Variants in RBFOX1 observed in about 807,000 individuals in gnomAD.
RBFOX1 encodes RNA binding protein fox-1 homolog 1.
A neutral mutation model predicts 57.7 loss-of-function variants in RBFOX1; 8 were observed. The ratio of observed to expected loss-of-function variants is 0.14; its 90% confidence interval spans 0.08 to 0.25. RBFOX1 has a LOEUF of 0.25. RBFOX1 is among the 10% of genes least tolerant of loss of function. RBFOX1 has a pLI of 1.00. For synonymous variants in RBFOX1, 326 were observed against 222.4 expected, an observed-to-expected ratio of 1.47 and a Z score of -4.15; for missense variants, 611 against 548.5, an observed-to-expected ratio of 1.11 and a Z score of -1.14.
chr16:6,693,746 A>G (rs2060608326), intron 3 of RBFOX1, among the ~76,000 whole-genome samples: 1 of 150,826 alleles, frequency 6.6e-6, no homozygotes, highest in Non-Finnish European at 1.5e-5. Flanking sequence ...ATCCTCATCC[A>G]CTAACATCAC....
chr16:5,816,316 C>T (rs950771469), intron 3 of RBFOX1, among the ~76,000 whole-genome samples: 3 of 152,246 alleles, frequency 2.0e-5, no homozygotes, highest in African/African-American at 2.4e-5. Flanking sequence ...TGCCAGTACC[C>T]GTCAATTACA....
chr16:6,725,537 T>G (rs2066994505), intron 3 of RBFOX1, among the ~76,000 whole-genome samples: 1 of 152,114 alleles, frequency 6.6e-6, no homozygotes, highest in Non-Finnish European at 1.5e-5. Context: ...CCTGGAAAAC[T>G]CACAAATAAT....
intron 3 of RBFOX1, among the ~76,000 whole-genome samples, chr16:5,665,136 G>GA (rs2049794380): frequency 7.0e-6 from 1 of 142,436 alleles, no homozygotes; most frequent in African/African-American, 2.5e-5. Context: ...TTACATGGGG[G>GA]GGGGCGGTCT....
chr16:6,288,953 A>G (rs1446155709), intron 1 of RBFOX1, among the ~76,000 whole-genome samples: 1 of 152,138 alleles, frequency 6.6e-6, no homozygotes, highest in Non-Finnish European at 1.5e-5. Context: ...CCAGGAGGGT[A>G]TAGACCAACT....
chr16:7,160,426 T>TC (rs150857298), intron 4 of RBFOX1, among the ~76,000 whole-genome samples: 5,120 of 152,166 alleles, frequency 0.034, 125 homozygotes, highest in Non-Finnish European at 0.049. Flanking sequence ...TTTCCTTCCT[T>TC]CTTTCGTAAG....
intron 2 of RBFOX1, among the ~76,000 whole-genome samples, chr16:6,637,188 C>CA (rs1360807984): frequency 5.3e-5 from 3 of 57,000 alleles, no homozygotes; most frequent in African/African-American, 2.2e-4. Context: ...ATATAATATA[C>CA]AATATATATT....
At chr16:6,073,132 C>A (rs1243915676) in intron 1 of RBFOX1, among the ~76,000 whole-genome samples, 2 of 152,136 alleles carry the variant, frequency 1.3e-5, no homozygotes, top group African/African-American at 4.8e-5. Context: ...GAATTAGTTA[C>A]ATACCCTAAT....
rs545457918 is a variant in RBFOX1 at position 7,604,692 on chromosome 16, G to A, written c.623-2593G>A. On this transcript the variant is annotated intron_variant, in intron 9 of 15. Transcript: ENST00000550418. ...ACATGATTTCTAGGTAGCCTCAAAT[G>A]CCTCTGAGAGATCTGGAATTTTTTG... is the stretch of plus-strand genomic sequence containing the variant. Among the ~76,000 whole-genome samples the A allele has an allele frequency of 4.3e-4, 65 of 152,276 alleles. 3 individuals are homozygous for A. In the South Asian group the frequency reaches 0.013, roughly 32 times the overall value.
chr16:6,483,184 G>C (rs1422224205), intron 2 of RBFOX1: 5 of 1,151,090 alleles, frequency 4.3e-6, no homozygotes, highest in Non-Finnish European at 5.3e-6. Context: ...CGAGCGTTTT[G>C]GCGCGGACAG....
chr16:6,881,314 G>A (rs764911063), intron 3 of RBFOX1, among the ~76,000 whole-genome samples: 2 of 152,166 alleles, frequency 1.3e-5, no homozygotes, highest in Non-Finnish European at 2.9e-5. Flanking sequence ...ATATTAGTTT[G>A]CTTGGACTGC....
chr16:5,372,434 T>C (rs1037959721), intron 1 of RBFOX1, among the ~76,000 whole-genome samples: 3 of 151,142 alleles, frequency 2.0e-5, no homozygotes, highest in African/African-American at 7.2e-5. Context: ...ACATGTACAA[T>C]TTTTATTTGG....
chr16:6,214,583 G>T (rs1232709980), intron 1 of RBFOX1, among the ~76,000 whole-genome samples: 1 of 117,564 alleles, frequency 8.5e-6, no homozygotes, highest in Non-Finnish European at 1.8e-5. Flanking sequence ...GAGGCAAAGT[G>T]GGAGAAGGAG....
Position 7,612,775 on chromosome 16 carries a change from A to G in RBFOX1, c.676+5437A>G, listed in dbSNP as rs2057762972. On this transcript the variant is annotated intron_variant, in intron 10 of 15. Transcript: ENST00000550418. The stretch of plus-strand genomic sequence containing the variant: ...AAAGTTGTCAGCACGGGGCTGTCAA[A>G]TGGTAAATTTATCTGTTTCTCAATT... Among the ~76,000 whole-genome samples, 3 of 152,308 alleles carry G rather than the reference A, an allele frequency of 2.0e-5. No homozygotes were observed. The South Asian group carries it at 6.2e-4, about 32-fold the overall frequency.
chr16:7,524,965 TGGAAAA>T (rs1371313000), intron 5 of RBFOX1, among the ~76,000 whole-genome samples: 3 of 152,186 alleles, frequency 2.0e-5, no homozygotes, highest in African/African-American at 4.8e-5. Context: ...AGCCAGACAT[TGGAAAA>T]GGATATAAAA....
At chr16:7,415,751 A>G (rs903935951) in intron 4 of RBFOX1, among the ~76,000 whole-genome samples, 1 of 151,234 alleles carries the variant, frequency 6.6e-6, no homozygotes, top group African/African-American at 2.5e-5. Context: ...TGGTTACGTT[A>G]ATTTTCCAGT....
At chr16:7,229,434 C>T (rs982291577) in intron 4 of RBFOX1, among the ~76,000 whole-genome samples, 1 of 151,288 alleles carries the variant, frequency 6.6e-6, no homozygotes, top group African/African-American at 2.4e-5. Context: ...TTCCTGTCAT[C>T]TATGTAGATG....
intron 1 of RBFOX1, among the ~76,000 whole-genome samples, chr16:5,243,473 A>C (rs2062219573): frequency 6.6e-6 from 1 of 152,068 alleles, no homozygotes; most frequent in African/African-American, 2.4e-5. Context: ...GCACCGTCAC[A>C]ACACTTGGGG....
At chr16:5,650,639 G>C (rs1443001762) in intron 3 of RBFOX1, among the ~76,000 whole-genome samples, 2 of 152,148 alleles carry the variant, frequency 1.3e-5, no homozygotes, top group African/African-American at 4.8e-5. Flanking sequence ...ATAAACACCA[G>C]AGGGGAGGGA....
At chr16:5,854,756 A>G (rs2056982643) in intron 3 of RBFOX1, among the ~76,000 whole-genome samples, 1 of 152,132 alleles carries the variant, frequency 6.6e-6, no homozygotes, top group African/African-American at 2.4e-5. Flanking sequence ...ACTCAGAAGG[A>G]TTGCTGGATC....
Sources: allele counts gnomAD v4.1 joint callset (sites outside exome capture counted in the v4.1 genomes callset), GRCh38; gene constraint gnomAD v4.1.1; transcripts MANE v1.5; gene names NCBI Gene and HGNC (gene_info 2026-07-23, HGNC 2026-07-21).